Variants in FRAS1 observed in about 807,000 individuals in gnomAD.
FRAS1 encodes extracellular matrix organizing protein FRAS1.
Under a neutral mutation model 435.2 loss-of-function variants are expected in FRAS1, and 290 were observed. The ratio of observed to expected loss-of-function variants is 0.67; its 90% CI spans 0.61 to 0.73. The LOEUF (loss-of-function observed/expected upper bound fraction) is 0.73. Ranked by LOEUF, FRAS1 falls within the 30% of genes least tolerant of loss-of-function variation. The probability of loss-of-function intolerance (pLI) is 0.00; values close to 1 mark genes in which losing one functional copy is unlikely to be tolerated. For missense variants in FRAS1, 4,860 were observed against 5,001.5 expected (o/e 0.97, Z 0.85); for synonymous variants, 1,800 against 1,851.0 (o/e 0.97, Z 0.71).
chr4:78,355,416 G>C (rs138303722), intron 20 of FRAS1, among the ~76,000 whole-genome samples: 5 of 152,184 alleles, frequency 3.3e-5, no homozygotes, highest in Non-Finnish European at 7.4e-5. Flanking sequence ...AGACTCTACT[G>C]TAATTGCAAT....
intron 27 of FRAS1, among the ~76,000 whole-genome samples, chr4:78,383,473 G>A (rs1732100069): frequency 6.6e-6 from 1 of 152,190 alleles, no homozygotes; most frequent in African/African-American, 2.4e-5. Context: ...GAGACTGACT[G>A]CTGGCTCTCG....
intron 18 of FRAS1, among the ~76,000 whole-genome samples, chr4:78,325,647 A>G (rs1431002504): frequency 6.6e-6 from 1 of 152,238 alleles, no homozygotes; most frequent in Non-Finnish European, 1.5e-5. Flanking sequence ...GGGGATAGAA[A>G]GATGAAAAAA....
At chr4:78,344,309 A>G (rs1195700131) in intron 20 of FRAS1, among the ~76,000 whole-genome samples, 1 of 152,038 alleles carries the variant, frequency 6.6e-6, no homozygotes. Flanking sequence ...CTTTGAATGC[A>G]TTTTACCATT....
rs113681366 is a variant in FRAS1, at chr4:78,151,869, A to G, written c.109-85641A>G. Among the ~76,000 whole-genome samples, 48 of 152,268 alleles carry G rather than the reference A, an allele frequency of 3.2e-4. 3 individuals are homozygous for G. Among genetic ancestry groups the G allele is most frequent in the African/African-American group, 9.1e-4 (38 of 41,574 alleles). Reference sequence around the variant, plus strand: ...GAGCCTTCATCTTTCTTATCTTTCTATTATAACCAGCAGAGTGCTAAGGCC... The same window carrying G: ...GAGCCTTCATCTTTCTTATCTTTCTGTTATAACCAGCAGAGTGCTAAGGCC... On this transcript the variant is annotated intron_variant, in intron 2 of 73. Transcript: ENST00000512123.
intron 20 of FRAS1, among the ~76,000 whole-genome samples, chr4:78,344,190 C>T (rs1482922377): frequency 6.6e-6 from 1 of 151,930 alleles, no homozygotes; most frequent in East Asian, 1.9e-4. Context: ...ATTTACCTAG[C>T]ACTTGGGCTT....
At chr4:78,256,101 G>A (rs1367970937) in intron 6 of FRAS1, among the ~76,000 whole-genome samples, 1 of 152,148 alleles carries the variant, frequency 6.6e-6, no homozygotes, top group Non-Finnish European at 1.5e-5. Flanking sequence ...CCAACATTCA[G>A]TTGATACAAA....
In FRAS1 at chr4:78,492,192, A is replaced by G. The variant is rs143842052; in HGVS notation, c.8958+3112A>G. On this transcript the variant is annotated intron_variant, in intron 59 of 73. Coordinates refer to ENST00000512123, the MANE Select transcript of FRAS1 (RefSeq NM_025074.7). Reference sequence around the variant, plus strand: ...TATTCCATGCTCATGGATAAGAAAAATCAATATCATGAAAATGGCCATACT... The same window carrying G: ...TATTCCATGCTCATGGATAAGAAAAGTCAATATCATGAAAATGGCCATACT... 6.5e-3 allele frequency among the ~76,000 whole-genome samples: 995 copies of G among 152,348 alleles called. 15 individuals are homozygous for G. Among genetic ancestry groups the G allele is most frequent in the African/African-American group, 0.022 (928 of 41,570 alleles).
chr4:78,123,905 A>G (rs1719180231), intron 2 of FRAS1, among the ~76,000 whole-genome samples: 1 of 152,348 alleles, frequency 6.6e-6, no homozygotes, highest in South Asian at 2.1e-4. Flanking sequence ...TTAAACATAC[A>G]ATCAAGTCAT....
chr4:78,097,837 C>A (rs1741889283), intron 2 of FRAS1, among the ~76,000 whole-genome samples: 1 of 151,812 alleles, frequency 6.6e-6, no homozygotes, highest in African/African-American at 2.4e-5. Flanking sequence ...TGAGATAGGG[C>A]CTCTAAAGAG....
chr4:78,096,709 G>A (rs28825502), intron 2 of FRAS1, among the ~76,000 whole-genome samples: 7,455 of 152,200 alleles, frequency 0.049, 253 homozygotes, highest in Middle Eastern at 0.082. Context: ...TAGCTCAGAG[G>A]CAGGGCACCA....
chr4:78,362,361 A>G (rs189636742), intron 20 of FRAS1, among the ~76,000 whole-genome samples: 204 of 152,366 alleles, frequency 1.3e-3, no homozygotes, highest in African/African-American at 4.8e-3. Flanking sequence ...GATTTTTCTC[A>G]GCTTGTTTGC....
chr4:78,209,208 G>T (rs926522721), intron 2 of FRAS1, among the ~76,000 whole-genome samples: 1 of 151,924 alleles, frequency 6.6e-6, no homozygotes, highest in Non-Finnish European at 1.5e-5. Flanking sequence ...AGTTTAGGTC[G>T]TACTGAAAAG....
At chr4:78,060,027 C>T (rs1412512831) in intron 1 of FRAS1, among the ~76,000 whole-genome samples, 1 of 152,148 alleles carries the variant, frequency 6.6e-6, no homozygotes, top group Non-Finnish European at 1.5e-5. Context: ...TGATAGATGT[C>T]TGAGTTTCCA....
chr4:78,219,181 G>A (rs1378848361), intron 2 of FRAS1, among the ~76,000 whole-genome samples: 1 of 152,000 alleles, frequency 6.6e-6, no homozygotes, highest in Non-Finnish European at 1.5e-5. Flanking sequence ...ATATATCAGT[G>A]AATTGCAGCC....
At chr4:78,100,625 G>T (rs1671253408) in intron 2 of FRAS1, among the ~76,000 whole-genome samples, 1 of 152,204 alleles carries the variant, frequency 6.6e-6, no homozygotes, top group Admixed American at 6.5e-5. Context: ...CCCTGCCTTT[G>T]TTTTTATTAT....
At chr4:78,181,421 C>A (rs1180201424) in intron 2 of FRAS1, 1 of 1,611,928 alleles carries the variant, frequency 6.2e-7, no homozygotes, top group Non-Finnish European at 8.5e-7. Flanking sequence ...GTGCTTCAGG[C>A]CACTGTAATG....
intron 20 of FRAS1, among the ~76,000 whole-genome samples, chr4:78,342,110 C>A (rs546599678): frequency 6.6e-6 from 1 of 152,172 alleles, no homozygotes; most frequent in East Asian, 1.9e-4. Flanking sequence ...ATATCCTCTC[C>A]GTGTCCTTGG....
In FRAS1 at chr4:78,318,831, C is replaced by T. The variant is rs115496853; in HGVS notation, c.1982C>T (p.Ala661Val). ...GCAGCCTGTCACTCCTCCTGCCTGG[C>T]TTGTATGGGTCCCGCACCCTCTCAC... ...VCKACHSSCL[A>V]CMGPAPSHCT... is the part of the protein sequence containing the mutation. Residue 661 changes from alanine to valine, a missense_variant, in exon 18 of 74, where the codon GCT becomes GTT. By Grantham distance (64) the Ala-to-Val change is moderately conservative. Transcript: ENST00000512123. 1.0e-4 allele frequency: 163 copies of T among 1,591,890 alleles called. No homozygotes were observed. In the African/African-American group the frequency reaches 2.1e-3, roughly 21 times the overall value.
intron 29 of FRAS1, among the ~76,000 whole-genome samples, chr4:78,397,644 C>G (rs1732723835): frequency 7.0e-6 from 1 of 142,868 alleles, no homozygotes; most frequent in South Asian, 2.3e-4. Flanking sequence ...TTAGTATGAT[C>G]TGCAGCTGTT....
Sources: gnomAD v4.1 joint callset for allele counts (sites outside exome capture counted in the v4.1 genomes callset) on GRCh38, gnomAD v4.1.1 for gene constraint, MANE v1.5 for transcripts, NCBI Gene and HGNC (gene_info 2026-07-23, HGNC 2026-07-21) for gene names.